Variants in MAGI2 observed in about 807,000 individuals in gnomAD.
The protein encoded by MAGI2 is membrane-associated guanylate kinase, WW and PDZ domain-containing protein 2.
In MAGI2, 35 loss-of-function variants were observed where a neutral mutation model predicts 133.3. The observed-to-expected ratio is 0.26, with a 90% CI of 0.20 to 0.35. MAGI2 has a LOEUF of 0.35. Ranked by LOEUF, MAGI2 falls within the 10% of genes least tolerant of loss-of-function variation. The pLI is 1.00. For missense variants in MAGI2, 1,636 were observed against 1,863.4 expected (o/e 0.88, Z 2.25); for synonymous variants, 729 against 710.6 (o/e 1.03, Z -0.41).
intron 1 of MAGI2, among the ~76,000 whole-genome samples, chr7:79,160,741 G>A (rs907436674): frequency 7.2e-5 from 11 of 151,964 alleles, no homozygotes; most frequent in South Asian, 2.1e-4. Context: ...ATAAAATACC[G>A]AGTGAAGCAC....
chr7:78,050,299 G>T (rs1009153086), intron 21 of MAGI2, among the ~76,000 whole-genome samples: 9 of 152,110 alleles, frequency 5.9e-5, no homozygotes, highest in Non-Finnish European at 1.2e-4. Context: ...TATTTAAATT[G>T]CCTGATGGTT....
chr7:79,330,588 G>C (rs897057022), intron 1 of MAGI2, among the ~76,000 whole-genome samples: 1 of 151,934 alleles, frequency 6.6e-6, no homozygotes, highest in Non-Finnish European at 1.5e-5. Context: ...TAAGTTTTTT[G>C]TAAATGGTGG....
intron 2 of MAGI2, among the ~76,000 whole-genome samples, chr7:78,689,133 T>G (rs1816690300): frequency 6.6e-6 from 1 of 152,188 alleles, no homozygotes; most frequent in Non-Finnish European, 1.5e-5. Context: ...ATTTGTGGAA[T>G]TAGAGATTGA....
chr7:78,650,169 C>A (rs1467508955), intron 2 of MAGI2, among the ~76,000 whole-genome samples: 1 of 152,168 alleles, frequency 6.6e-6, no homozygotes, highest in Non-Finnish European at 1.5e-5. Context: ...ATTTGGTCAA[C>A]AACCGCAAGC....
intron 1 of MAGI2, among the ~76,000 whole-genome samples, chr7:79,081,150 T>G (rs759293723): frequency 6.6e-6 from 1 of 152,140 alleles, no homozygotes; most frequent in Non-Finnish European, 1.5e-5. Context: ...AGTGCTCTTA[T>G]GTATCAATCT....
intron 3 of MAGI2, among the ~76,000 whole-genome samples, chr7:78,558,467 A>C (rs1012037326): frequency 6.6e-6 from 1 of 152,220 alleles, no homozygotes; most frequent in African/African-American, 2.4e-5. Context: ...AGAAGAATGA[A>C]ACTTAAGATT....
intron 6 of MAGI2, 109 bp from the exon 7 acceptor site, chr7:78,369,322 C>A: frequency 1.4e-6 from 1 of 728,740 alleles, no homozygotes; most frequent in Non-Finnish European, 2.3e-6. Flanking sequence ...CAAAGTGGAA[C>A]AAAGCATTCA....
chr7:78,640,187 T>C (rs925282448), intron 2 of MAGI2, among the ~76,000 whole-genome samples: 3 of 152,162 alleles, frequency 2.0e-5, no homozygotes, highest in Non-Finnish European at 2.9e-5. Flanking sequence ...TTAAAAGTGA[T>C]ACAATATAAA....
intron 3 of MAGI2, among the ~76,000 whole-genome samples, chr7:78,601,258 G>C (rs1460817591): frequency 1.3e-5 from 2 of 152,072 alleles, no homozygotes; most frequent in Non-Finnish European, 2.9e-5. Context: ...CCCTTACCAA[G>C]TGTACATGTA....
intron 6 of MAGI2, among the ~76,000 whole-genome samples, chr7:78,431,771 CACTT>C (rs917980043): frequency 2.0e-5 from 3 of 151,886 alleles, no homozygotes; most frequent in African/African-American, 7.2e-5. Flanking sequence ...TGCATATACT[CACTT>C]AAGTTCTTAA....
intron 1 of MAGI2, among the ~76,000 whole-genome samples, chr7:79,213,855 C>G (rs1035882489): frequency 6.6e-6 from 1 of 151,918 alleles, no homozygotes; most frequent in Non-Finnish European, 1.5e-5. Context: ...GGAGTTTATT[C>G]TCTAAAGACT....
At chr7:79,169,606 G>C (rs983510911) in intron 1 of MAGI2, among the ~76,000 whole-genome samples, 1 of 151,992 alleles carries the variant, frequency 6.6e-6, no homozygotes, top group Non-Finnish European at 1.5e-5. Context: ...TGAATGCCTT[G>C]CTGAGGTATC....
At chr7:78,990,235 A>C (rs1805631813) in intron 2 of MAGI2, among the ~76,000 whole-genome samples, 1 of 152,104 alleles carries the variant, frequency 6.6e-6, no homozygotes. Flanking sequence ...ACCTCATTAG[A>C]AAATAGTACA....
chr7:79,263,379 A>G (rs972368475), intron 1 of MAGI2, among the ~76,000 whole-genome samples: 7 of 152,090 alleles, frequency 4.6e-5, no homozygotes, highest in African/African-American at 1.7e-4. Context: ...AGAGGTAAAT[A>G]GAAATAGCAG....
intron 9 of MAGI2, among the ~76,000 whole-genome samples, chr7:78,266,302 C>A (rs1175474426): frequency 6.6e-6 from 1 of 151,972 alleles, no homozygotes; most frequent in Non-Finnish European, 1.5e-5. Flanking sequence ...CAGGGTTCAA[C>A]TGATCCTCCC....
intron 1 of MAGI2, among the ~76,000 whole-genome samples, chr7:79,068,652 A>G (rs919675646): frequency 6.6e-6 from 1 of 151,222 alleles, no homozygotes; most frequent in Non-Finnish European, 1.5e-5. Context: ...GTTTGCTCTT[A>G]TTTCTCCAGT....
intron 1 of MAGI2, among the ~76,000 whole-genome samples, chr7:79,328,357 T>C (rs1203572224): frequency 6.6e-6 from 1 of 152,150 alleles, no homozygotes; most frequent in East Asian, 1.9e-4. Context: ...GGCCCAACCT[T>C]AGTGCTATCA....
At position 79,292,657 on chromosome 7, in the gene MAGI2, AG is replaced by A. The variant is rs901180715; in HGVS notation, c.301+160362del. Among the ~76,000 whole-genome samples the A allele has an allele frequency of 9.3e-5, 14 of 150,980 alleles. No individual in the cohort carries two copies. In the South Asian group the frequency reaches 1.0e-3, roughly 11 times the overall value. On this transcript the variant is annotated intron_variant, in intron 1 of 21. Transcript: ENST00000354212. ...CCAAAAAAAAATAAAAGAAAAAAAA[AG>A]TTTTAAAATTGGGAGGTACCCTCTA... is the stretch of plus-strand genomic sequence containing the variant.
In MAGI2 at chr7:78,337,919, T is replaced by C. The variant is rs969608936; in HGVS notation, c.1408+5859A>G. On this transcript the variant is annotated intron_variant, in intron 9 of 21. Transcript: ENST00000354212. Reference sequence around the variant, plus strand: ...ATCCATCCATCCATCCATCCATCCATCCATCCAAGAAGTACTTATGAGCAC... The same window carrying C: ...ATCCATCCATCCATCCATCCATCCACCCATCCAAGAAGTACTTATGAGCAC... 3.3e-5 allele frequency among the ~76,000 whole-genome samples: 5 copies of C among 151,902 alleles called. No homozygotes were observed. In the East Asian group the frequency reaches 9.7e-4, roughly 29 times the overall value.
Sources: allele counts gnomAD v4.1 joint callset (sites outside exome capture counted in the v4.1 genomes callset), GRCh38; gene constraint gnomAD v4.1.1; transcripts MANE v1.5; gene names NCBI Gene and HGNC (gene_info 2026-07-23, HGNC 2026-07-21).